Variants in RALYL observed in about 807,000 individuals in gnomAD.
The protein encoded by RALYL is RALY RNA binding protein like, also known as RNA-binding Raly-like protein.
RALYL carries 29 observed loss-of-function variants against 35.1 expected under a neutral mutation model. The observed-to-expected ratio is 0.83, with a 90% CI of 0.61 to 1.13. The LOEUF is 1.13. Ranked by LOEUF, RALYL falls within the 50% of genes most tolerant of loss-of-function variation. The pLI, the probability that RALYL is intolerant of heterozygous loss-of-function variation, is 0.00. For synonymous variants in RALYL, 120 were observed against 127.6 expected (o/e 0.94, Z 0.40); for missense variants, 359 against 360.4 (o/e 1.00, Z 0.03).
chr8:84,428,075 C>CTG (rs1311854963), intron 1 of RALYL, among the ~76,000 whole-genome samples: 7 of 136,652 alleles, frequency 5.1e-5, no homozygotes, highest in South Asian at 2.3e-4. Flanking sequence ...CGCTTGCTCG[C>CTG]TGTCTCTCTC....
In RALYL at chr8:84,704,215, A is replaced by G. The variant is rs200100587; in HGVS notation, c.257-70364A>G. Among the ~76,000 whole-genome samples the G allele has an allele frequency of 3.9e-5, 6 of 152,188 alleles. No individual in the cohort carries two copies. In the East Asian group the frequency reaches 5.8e-4, roughly 15 times the overall value. On this transcript the variant is annotated intron_variant, in intron 2 of 8. Coordinates refer to ENST00000521268, the MANE Select transcript of RALYL (RefSeq NM_173848.7). ...CAAGGTGGGCGGATCACCTGAGGTC[A>G]GGAGTTCGAGATCAGCCTGGCCAAC...
intron 4 of RALYL, among the ~76,000 whole-genome samples, chr8:84,838,753 G>A (rs958365693): frequency 6.6e-6 from 1 of 152,118 alleles, no homozygotes; most frequent in Non-Finnish European, 1.5e-5. Context: ...AAATAAAAAT[G>A]AATTTTCTTT....
chr8:84,384,948 A>G (rs1473225081), intron 1 of RALYL, among the ~76,000 whole-genome samples: 1 of 151,702 alleles, frequency 6.6e-6, no homozygotes, highest in Non-Finnish European at 1.5e-5. Flanking sequence ...TACTACCCCA[A>G]TTCTTGCAAC....
intron 1 of RALYL, among the ~76,000 whole-genome samples, chr8:84,189,654 A>G (rs1346829889): frequency 2.7e-5 from 4 of 150,734 alleles, no homozygotes; most frequent in Non-Finnish European, 1.5e-5. Flanking sequence ...ACATGTAGGA[A>G]GTCTTAACTG....
At chr8:84,396,783 GAA>G (rs201616022) in intron 1 of RALYL, among the ~76,000 whole-genome samples, 275 of 149,842 alleles carry the variant, frequency 1.8e-3, no homozygotes, top group African/African-American at 6.5e-3. Flanking sequence ...GAAAATATTT[GAA>G]AAAAAAAGTC....
rs780449163 is a variant in RALYL at position 84,804,787 on chromosome 8, C to T, written c.350C>T (p.Pro117Leu). ...TTTCATAGACTTGAATCAAAGGAACCTTTCCTGTCTGTTGGGTAAGTATAT... is the reference window on the plus strand; with the variant it reads ...TTTCATAGACTTGAATCAAAGGAACTTTTCCTGTCTGTTGGGTAAGTATAT... ...SALYRLESKE[P>L]FLSVGGYVFD... Residue 117 changes from proline (P) to leucine (L), a missense_variant, in exon 4 of 9, where the codon CCT (proline) becomes CTT (leucine). Transcript: ENST00000521268. The T allele has an allele frequency of 8.6e-7, 1 of 1,169,462 alleles. No homozygotes were observed. The highest frequency in any genetic ancestry group is 1.1e-6 in the Non-Finnish European group (1 of 890,250). The allele number at this position is 1,169,462 out of a possible 1,614,324, so 72.4% of individuals were successfully genotyped here.
chr8:84,596,476 C>T (rs1014790791), intron 2 of RALYL, among the ~76,000 whole-genome samples: 2 of 152,122 alleles, frequency 1.3e-5, no homozygotes, highest in Non-Finnish European at 2.9e-5. Flanking sequence ...CCATCTTGTC[C>T]AGCAAATAAT....
At chr8:84,642,833 A>G (rs1305181777) in intron 2 of RALYL, among the ~76,000 whole-genome samples, 1 of 152,028 alleles carries the variant, frequency 6.6e-6, no homozygotes, top group Non-Finnish European at 1.5e-5. Context: ...GAGCCACCTC[A>G]AGGTTCAGGG....
intron 1 of RALYL, among the ~76,000 whole-genome samples, chr8:84,199,798 T>C (rs1322567531): frequency 6.6e-6 from 1 of 152,192 alleles, no homozygotes; most frequent in Non-Finnish European, 1.5e-5. Flanking sequence ...CGAAAATGCG[T>C]TCACTCTAGG....
intron 8 of RALYL, among the ~76,000 whole-genome samples, chr8:84,914,822 T>C (rs1385963653): frequency 1.3e-5 from 2 of 151,964 alleles, no homozygotes; most frequent in African/African-American, 4.8e-5. Flanking sequence ...TATGGAAAAA[T>C]CCTAGTATGT....
Position 84,633,020 on chromosome 8 carries a change from A to G in RALYL, c.256+103443A>G, listed in dbSNP as rs113371920. Reference sequence around the variant, plus strand: ...ATGTTTATGATAGCAACTAACTGCAATTGGCTGCATTTTTTTCTGGCCATA... The same window carrying G: ...ATGTTTATGATAGCAACTAACTGCAGTTGGCTGCATTTTTTTCTGGCCATA... On this transcript the variant is annotated intron_variant, in intron 2 of 8. Coordinates refer to ENST00000521268, the MANE Select transcript of RALYL (RefSeq NM_173848.7). 6.3e-3 allele frequency among the ~76,000 whole-genome samples: 964 copies of G among 152,032 alleles called. 5 individuals carry two copies. The highest frequency in any genetic ancestry group is 0.01 in the Non-Finnish European group (705 of 67,908).
At chr8:84,515,630 T>C (rs2058000242) in intron 1 of RALYL, among the ~76,000 whole-genome samples, 3 of 152,174 alleles carry the variant, frequency 2.0e-5, no homozygotes, top group Admixed American at 1.3e-4. Flanking sequence ...ATTTACATAG[T>C]CTCTTCTATT....
intron 1 of RALYL, among the ~76,000 whole-genome samples, chr8:84,239,580 C>G (rs2131548277): frequency 6.6e-6 from 1 of 152,090 alleles, no homozygotes; most frequent in Admixed American, 6.6e-5. Flanking sequence ...ATAGTAGCTG[C>G]CAGGGTTTAC....
intron 1 of RALYL, among the ~76,000 whole-genome samples, chr8:84,368,221 T>A (rs1854911691): frequency 1.3e-5 from 2 of 152,198 alleles, no homozygotes; most frequent in Non-Finnish European, 2.9e-5. Flanking sequence ...GCAAGCGCTA[T>A]TCTCTCCCTC....
intron 8 of RALYL, among the ~76,000 whole-genome samples, chr8:84,916,626 C>T (rs1848527342): frequency 6.6e-6 from 1 of 152,024 alleles, no homozygotes. Flanking sequence ...GAGGCTTCCC[C>T]AGCCACGTGG....
At chr8:84,531,294 A>G (rs2059262551) in intron 2 of RALYL, among the ~76,000 whole-genome samples, 1 of 152,182 alleles carries the variant, frequency 6.6e-6, no homozygotes, top group Non-Finnish European at 1.5e-5. Flanking sequence ...GTATGAATTC[A>G]TTAAAATGTA....
chr8:84,916,975 C>A (rs954824593), intron 8 of RALYL, among the ~76,000 whole-genome samples: 1 of 151,768 alleles, frequency 6.6e-6, no homozygotes, highest in East Asian at 1.9e-4. Context: ...TTTCCTTTTC[C>A]TTTTATGATT....
chr8:84,623,010 G>A (rs980131515), intron 2 of RALYL, among the ~76,000 whole-genome samples: 7 of 152,226 alleles, frequency 4.6e-5, no homozygotes, highest in African/African-American at 1.2e-4. Context: ...ACACCATACT[G>A]CTTAAAATTC....
chr8:84,729,622 T>C (rs1175207627), intron 2 of RALYL, among the ~76,000 whole-genome samples: 3 of 151,958 alleles, frequency 2.0e-5, no homozygotes, highest in Non-Finnish European at 4.4e-5. Context: ...ATCAATGAAA[T>C]TGTTAGACCG....
Sources: gnomAD v4.1 joint callset for allele counts (sites outside exome capture counted in the v4.1 genomes callset) on GRCh38, gnomAD v4.1.1 for gene constraint, MANE v1.5 for transcripts, NCBI Gene and HGNC (gene_info 2026-07-23, HGNC 2026-07-21) for gene names.